TNKS2: variants seen among roughly 807,000 people sequenced by gnomAD.
The protein encoded by TNKS2 is poly [ADP-ribose] polymerase tankyrase-2.
In TNKS2, 72 loss-of-function variants were observed where a neutral mutation model predicts 137.6. That is an observed-to-expected ratio of 0.52 (90% CI 0.43 to 0.64). The LOEUF (loss-of-function observed/expected upper bound fraction) is 0.64, where lower values mean the gene tolerates loss of function less well. TNKS2 is among the 30% of genes least tolerant of loss of function. The pLI is 0.00. For missense variants in TNKS2, 1,049 were observed against 1,410.2 expected (o/e 0.74, Z 4.10); for synonymous variants, 516 against 512.1 (o/e 1.01, Z -0.10).
chr10:91,807,202 T>G, intron 1 of TNKS2: 1 of 1,607,752 alleles, frequency 6.2e-7, no homozygotes, highest in Non-Finnish European at 8.5e-7. Context: ...ATGGTAACAT[T>G]GCGGGCTTCC....
At chr10:91,817,419 T>A (rs1006121917) in intron 3 of TNKS2, among the ~76,000 whole-genome samples, 190 bp downstream of exon 3, 1 of 152,238 alleles carries the variant, frequency 6.6e-6, no homozygotes, top group African/African-American at 2.4e-5. Context: ...TTTCTTTTTA[T>A]TTTCTAATTG....
At chr10:91,861,953 G>A (rs1487101013) in intron 25 of TNKS2, 46 bp from the exon 26 acceptor site, 3 of 1,532,856 alleles carry the variant, frequency 2.0e-6, no homozygotes, top group East Asian at 2.4e-5. Context: ...TCATATTTAT[G>A]TATCAAATTT....
intron 11 of TNKS2, 45 bp from the exon 12 acceptor site, chr10:91,833,808 A>G (rs779749043): frequency 1.4e-6 from 2 of 1,477,170 alleles, no homozygotes; most frequent in African/African-American, 2.8e-5. Flanking sequence ...TATGGTTTTA[A>G]ATTTTGCATT....
chr10:91,810,203 C>T (rs1291101410), intron 1 of TNKS2, among the ~76,000 whole-genome samples: 2 of 151,912 alleles, frequency 1.3e-5, no homozygotes, highest in Non-Finnish European at 1.5e-5. Flanking sequence ...TGGCAATACC[C>T]CATGTCTACT....
chr10:91,841,521 G>T (rs1366263780), intron 15 of TNKS2, 73 bp downstream of exon 15: 4 of 1,282,698 alleles, frequency 3.1e-6, no homozygotes, highest in Non-Finnish European at 4.1e-6. Flanking sequence ...AATAATTCTA[G>T]TATAAAGTTA....
intron 22 of TNKS2, among the ~76,000 whole-genome samples, chr10:91,855,335 G>GTTTGTTTTTGTT (rs140309103): frequency 1.3e-5 from 2 of 151,642 alleles, no homozygotes; most frequent in African/African-American, 4.8e-5. Context: ...TGTTTTTTGT[G>GTTTGTTTTTGTT]TTTGTTTTTG....
intron 1 of TNKS2, chr10:91,807,478 C>G (rs988593304): frequency 1.5e-5 from 23 of 1,577,572 alleles, no homozygotes; most frequent in African/African-American, 5.4e-5. Context: ...AGCAAGGCCT[C>G]AGAACCCGGC....
chr10:91,829,611 G>A (rs188463764), intron 9 of TNKS2, among the ~76,000 whole-genome samples: 10 of 152,234 alleles, frequency 6.6e-5, no homozygotes, highest in East Asian at 5.8e-4. Context: ...TGGTCTCTGC[G>A]CTCTCATGAT....
Position 91,838,036 on chromosome 10 carries a change from ATTTTTTTTTTTT to A in TNKS2, c.1527+1055_1527+1066del, listed in dbSNP as rs71025367. On this transcript the variant is annotated intron_variant, in intron 13 of 26. Coordinates refer to ENST00000371627, the MANE Select transcript of TNKS2 (RefSeq NM_025235.4). The stretch of plus-strand genomic sequence containing the variant: ...AAATTGAGTTGAAAGCAATTAGCTG[ATTTTTTTTTTTT>A]TTTTTTTTTTTTTTTTGCTGTTTGT... 2.5e-4 allele frequency among the ~76,000 whole-genome samples: 13 copies of A among 51,236 alleles called. No individual in the cohort carries two copies. The South Asian group carries it at 0.013, about 51-fold the overall frequency. The allele number at this position is 51,236 out of a possible 152,430, so 33.6% of individuals were successfully genotyped here.
At chr10:91,805,127 C>T (rs1317544042) in intron 1 of TNKS2, among the ~76,000 whole-genome samples, 1 of 148,092 alleles carries the variant, frequency 6.8e-6, no homozygotes, top group Non-Finnish European at 1.5e-5. Context: ...TTTTTTTAAA[C>T]ATAGCTACCT....
At chr10:91,809,966 C>T (rs1844446020) in intron 1 of TNKS2, among the ~76,000 whole-genome samples, 1 of 152,116 alleles carries the variant, frequency 6.6e-6, no homozygotes, top group Non-Finnish European at 1.5e-5. Flanking sequence ...AGGATTCAAC[C>T]AGAATAGTTT....
At chr10:91,802,145 A>G (rs1172551484) in intron 1 of TNKS2, among the ~76,000 whole-genome samples, 1 of 152,218 alleles carries the variant, frequency 6.6e-6, no homozygotes, top group Non-Finnish European at 1.5e-5. Flanking sequence ...TGAGTATGCT[A>G]CTGAACCACA....
intron 9 of TNKS2, 78 bp from the exon 10 acceptor site, chr10:91,830,841 ATTGT>A: frequency 1.7e-6 from 2 of 1,157,870 alleles, no homozygotes; most frequent in Non-Finnish European, 2.4e-6. Context: ...TAACTACTTG[ATTGT>A]TCTTGATTGG....
intron 13 of TNKS2, among the ~76,000 whole-genome samples, chr10:91,839,635 G>T (rs1842148460): frequency 6.6e-6 from 1 of 152,170 alleles, no homozygotes; most frequent in African/African-American, 2.4e-5. Flanking sequence ...ACATGGAGTG[G>T]TATGGTTACT....
At chr10:91,824,607 T>C (rs1206873107) in intron 7 of TNKS2, among the ~76,000 whole-genome samples, 1 of 152,220 alleles carries the variant, frequency 6.6e-6, no homozygotes, top group Non-Finnish European at 1.5e-5. Context: ...GGGCCTGAAG[T>C]TTCTATCTTT....
intron 1 of TNKS2, 74 bp downstream of exon 1, chr10:91,798,963 A>G (rs1844064404): frequency 7.8e-7 from 1 of 1,278,976 alleles, no homozygotes; most frequent in South Asian, 2.7e-5. Context: ...GTCTGAAACC[A>G]GTGCTCCTCC....
intron 5 of TNKS2, 70 bp downstream of exon 5, chr10:91,819,627 T>A: frequency 2.5e-6 from 3 of 1,178,540 alleles, no homozygotes; most frequent in Non-Finnish European, 3.6e-6. Flanking sequence ...GTTTATCTTA[T>A]GATAAATTGA....
chr10:91,802,424 G>A (rs1273228007), intron 1 of TNKS2, among the ~76,000 whole-genome samples: 2 of 152,204 alleles, frequency 1.3e-5, no homozygotes, highest in Non-Finnish European at 2.9e-5. Context: ...GCCAGCAGGT[G>A]GAAGGTTACA....
At position 91,828,212 on chromosome 10, in the gene TNKS2, A is replaced by G. The variant is rs550267917; in HGVS notation, c.983-73A>G. 1.4e-4 allele frequency: 196 copies of G among 1,355,148 alleles called. No homozygotes were observed. In the African/African-American group the frequency reaches 2.5e-3, roughly 17 times the overall value. 83.9% of individuals were successfully genotyped at this position (1,355,148 alleles called of 1,614,324 possible). ...TATTTTGAAAATAATTTCAAGGAAA[A>G]TACTAGATGTCTTTTAGATAAGGCT... On this transcript the variant is annotated intron_variant, in intron 8 of 26. Coordinates refer to ENST00000371627, the MANE Select transcript of TNKS2 (RefSeq NM_025235.4).
Sources: gnomAD v4.1 joint callset for allele counts (sites outside exome capture counted in the v4.1 genomes callset) on GRCh38, gnomAD v4.1.1 for gene constraint, MANE v1.5 for transcripts, NCBI Gene and HGNC (gene_info 2026-07-23, HGNC 2026-07-21) for gene names.